PRKG1: variants seen among roughly 807,000 people sequenced by gnomAD.
The protein encoded by PRKG1 is protein kinase cGMP-dependent 1, also known as cGMP-dependent protein kinase 1.
In PRKG1, 35 loss-of-function variants were observed where a neutral mutation model predicts 88.1. The ratio of observed to expected loss-of-function variants is 0.40; its 90% CI spans 0.30 to 0.53. The LOEUF (loss-of-function observed/expected upper bound fraction) is 0.53. PRKG1 is among the 20% of genes least tolerant of loss of function. The probability of loss-of-function intolerance (pLI) is 0.59; values close to 1 mark genes in which losing one functional copy is unlikely to be tolerated. For synonymous variants in PRKG1, 303 were observed against 292.5 expected (o/e 1.04, Z -0.37); for missense variants, 540 against 839.8 (o/e 0.64, Z 4.41).
chr10:52,028,301 A>T (rs10762538), intron 5 of PRKG1, among the ~76,000 whole-genome samples: 122,888 of 152,054 alleles, frequency 0.81, 49,747 homozygotes, highest in East Asian at 0.92. Context: ...TTCTATTATG[A>T]TCACTGCACG....
intron 8 of PRKG1, among the ~76,000 whole-genome samples, chr10:52,159,716 T>C (rs1045565681): frequency 1.3e-5 from 2 of 151,896 alleles, no homozygotes; most frequent in Non-Finnish European, 2.9e-5. Context: ...GGTAATACGC[T>C]ATCCTGTTTA....
At chr10:51,688,499 C>A (rs1841051235) in intron 3 of PRKG1, among the ~76,000 whole-genome samples, 1 of 151,262 alleles carries the variant, frequency 6.6e-6, no homozygotes, top group Admixed American at 6.6e-5. Flanking sequence ...TCTTCCTCTG[C>A]CTGAAAAATT....
intron 3 of PRKG1, among the ~76,000 whole-genome samples, chr10:51,737,304 T>C (rs982238927): frequency 1.3e-5 from 2 of 152,206 alleles, no homozygotes; most frequent in Non-Finnish European, 2.9e-5. Flanking sequence ...TCAAACGCTT[T>C]CTTACCGTTC....
intron 3 of PRKG1, among the ~76,000 whole-genome samples, chr10:51,515,357 G>A (rs1468930795): frequency 2.0e-5 from 3 of 152,152 alleles, no homozygotes; most frequent in Non-Finnish European, 4.4e-5. Context: ...TAAAGAATGA[G>A]AATGATCAGC....
chr10:51,883,153 C>T (rs924612707), intron 4 of PRKG1, among the ~76,000 whole-genome samples: 6 of 152,324 alleles, frequency 3.9e-5, no homozygotes, highest in African/African-American at 1.2e-4. Context: ...TGTCTTCAAA[C>T]ATCAGCACTC....
rs1588898085 is a variant in PRKG1, at chr10:51,381,029, G to C, written c.479-86694G>C. Among the ~76,000 whole-genome samples, 4 of 151,772 alleles carry C rather than the reference G, an allele frequency of 2.6e-5. No homozygotes were observed. In the South Asian group the frequency reaches 8.3e-4, roughly 32 times the overall value. The stretch of plus-strand genomic sequence containing the variant: ...CCTCTGAGTCCATTCTTTGAATTTG[G>C]ACGGGTAAATGTGTGTTTTTTCAGA... On this transcript the variant is annotated intron_variant, in intron 2 of 17. Transcript: ENST00000373980.
At chr10:51,234,824 A>T (rs778358656) in intron 2 of PRKG1, among the ~76,000 whole-genome samples, 27 of 152,332 alleles carry the variant, frequency 1.8e-4, no homozygotes, top group Middle Eastern at 3.4e-3. Flanking sequence ...TATTTCACCG[A>T]AAACAAACAA....
chr10:51,030,479 G>T (rs1490542550), intron 1 of PRKG1, among the ~76,000 whole-genome samples: 1 of 152,090 alleles, frequency 6.6e-6, no homozygotes, highest in Non-Finnish European at 1.5e-5. Context: ...CTGATAGAAA[G>T]TGCTTCCTGA....
intron 11 of PRKG1, 43 bp downstream of exon 11, chr10:52,271,532 G>A: frequency 6.3e-7 from 1 of 1,590,450 alleles, no homozygotes. Flanking sequence ...AACTCCAAGT[G>A]ACAAATCCAC....
chr10:51,241,802 C>G (rs547357037), intron 2 of PRKG1, among the ~76,000 whole-genome samples: 1 of 152,196 alleles, frequency 6.6e-6, no homozygotes, highest in South Asian at 2.1e-4. Flanking sequence ...GTCCTTAAAC[C>G]TGAGAGGGTC....
intron 4 of PRKG1, among the ~76,000 whole-genome samples, chr10:51,848,888 T>A (rs1020530071): frequency 2.2e-4 from 33 of 151,920 alleles, no homozygotes; most frequent in African/African-American, 7.7e-4. Context: ...GTTTCTCTGA[T>A]TTCACCTTGT....
At chr10:51,987,163 T>C (rs1844181037) in intron 5 of PRKG1, among the ~76,000 whole-genome samples, 1 of 152,114 alleles carries the variant, frequency 6.6e-6, no homozygotes, top group Non-Finnish European at 1.5e-5. Flanking sequence ...ATCTTAAAGT[T>C]GGGTGGTTCA....
intron 5 of PRKG1, among the ~76,000 whole-genome samples, chr10:51,962,575 T>A (rs892647867): frequency 6.6e-6 from 1 of 152,200 alleles, no homozygotes; most frequent in Non-Finnish European, 1.5e-5. Flanking sequence ...TCATGGTCTC[T>A]TCCTGTGTTC....
At chr10:51,427,179 C>T (rs1838613134) in intron 2 of PRKG1, among the ~76,000 whole-genome samples, 1 of 151,772 alleles carries the variant, frequency 6.6e-6, no homozygotes, top group Non-Finnish European at 1.5e-5. Flanking sequence ...GCAAAGAAAA[C>T]ATGAAAATAG....
intron 2 of PRKG1, among the ~76,000 whole-genome samples, chr10:51,242,263 GT>G (rs1448161052): frequency 2.0e-5 from 3 of 152,142 alleles, no homozygotes; most frequent in Non-Finnish European, 2.9e-5. Flanking sequence ...GATGAGAAAA[GT>G]TTATAAGTAT....
intron 3 of PRKG1, among the ~76,000 whole-genome samples, chr10:51,551,651 A>T (rs1252271897): frequency 2.0e-5 from 3 of 151,794 alleles, no homozygotes; most frequent in Non-Finnish European, 4.4e-5. Context: ...ATATTTTGAG[A>T]GAATGGCATT....
In PRKG1 at chr10:52,290,279, A is replaced by G; in HGVS notation, c.1951A>G (p.Ile651Val). ...AAGAAAAGGTACCTTGACACCTCCT[A>G]TAATACCAAGTGTAAGTAGACTTTC... is the stretch of plus-strand genomic sequence containing the variant. Reference protein sequence around the residue: ...GLRKGTLTPPIIPSVASPTDT... With the variant: ...GLRKGTLTPPVIPSVASPTDT... Residue 651 changes from isoleucine to valine, a missense_variant, in exon 17 of 18, where the codon ATA (isoleucine) becomes GTA (valine). Transcript: ENST00000373980. 1.9e-6 allele frequency: 3 copies of G among 1,611,072 alleles called. No individual in the cohort carries two copies. The highest frequency in any genetic ancestry group is 2.5e-6 in the Non-Finnish European group (3 of 1,177,596).
intron 2 of PRKG1, among the ~76,000 whole-genome samples, chr10:51,238,760 C>CAA (rs755705869): frequency 1.0e-5 from 1 of 98,174 alleles, no homozygotes; most frequent in African/African-American, 3.8e-5. Context: ...GACTCTATCT[C>CAA]AAAAAAAAAA....
intron 3 of PRKG1, among the ~76,000 whole-genome samples, chr10:51,514,460 C>A (rs1465901949): frequency 2.6e-5 from 4 of 152,158 alleles, no homozygotes; most frequent in Non-Finnish European, 4.4e-5. Context: ...ACTCCAGGGT[C>A]ACCACCTAAG....
Sources: allele counts gnomAD v4.1 joint callset (sites outside exome capture counted in the v4.1 genomes callset), GRCh38; gene constraint gnomAD v4.1.1; transcripts MANE v1.5; gene names NCBI Gene and HGNC (gene_info 2026-07-23, HGNC 2026-07-21).